FAM120A: variants seen among roughly 807,000 people sequenced by gnomAD.
The protein encoded by FAM120A is family with sequence similarity 120 member A.
In FAM120A, 15 loss-of-function variants were observed where a neutral mutation model predicts 109.7. That is an observed-to-expected ratio of 0.14 (90% CI 0.09 to 0.21). FAM120A has a LOEUF of 0.21. Among genes scored for constraint, FAM120A ranks in the 10% least tolerant of loss-of-function variants. The pLI is 1.00. For missense variants in FAM120A, 899 were observed against 1,439.3 expected (o/e 0.62, Z 6.07); for synonymous variants, 493 against 572.8 (o/e 0.86, Z 1.99).
intron 7 of FAM120A, among the ~76,000 whole-genome samples, chr9:93,516,977 CTACTT>C (rs1860625064): frequency 6.6e-6 from 1 of 152,156 alleles, no homozygotes; most frequent in African/African-American, 2.4e-5. Context: ...GGTGTGAACT[CTACTT>C]TACAGCGCAG....
chr9:93,503,371 G>A (rs890557272), intron 5 of FAM120A, among the ~76,000 whole-genome samples: 5 of 152,178 alleles, frequency 3.3e-5, no homozygotes, highest in African/African-American at 1.2e-4. Context: ...ATAAAGTTTG[G>A]TGTATCTAAG....
At chr9:93,507,955 G>T (rs12554020) in intron 5 of FAM120A, among the ~76,000 whole-genome samples, 1 of 151,970 alleles carries the variant, frequency 6.6e-6, no homozygotes, top group Non-Finnish European at 1.5e-5. Context: ...TGAAATGCAG[G>T]GGAGAATTGA....
chr9:93,525,636 C>CT (rs1213008320), intron 7 of FAM120A, among the ~76,000 whole-genome samples: 2 of 152,342 alleles, frequency 1.3e-5, no homozygotes, highest in East Asian at 3.9e-4. Flanking sequence ...TCATGCATCT[C>CT]TATCAGCACA....
At chr9:93,546,416 C>T (rs2131530021) in intron 11 of FAM120A, among the ~76,000 whole-genome samples, 2 of 152,286 alleles carry the variant, frequency 1.3e-5, no homozygotes, top group South Asian at 4.1e-4. Flanking sequence ...CTATAGGGGG[C>T]TAGGGTCACA....
chr9:93,544,873 T>G (rs1228982443), intron 11 of FAM120A, among the ~76,000 whole-genome samples: 8 of 152,136 alleles, frequency 5.3e-5, no homozygotes, highest in African/African-American at 2.4e-5. Flanking sequence ...GACTGTGGCT[T>G]CTCCGTGTGG....
intron 5 of FAM120A, among the ~76,000 whole-genome samples, chr9:93,507,953 A>AG (rs1404958056): frequency 1.3e-5 from 2 of 152,192 alleles, no homozygotes; most frequent in Non-Finnish European, 2.9e-5. Flanking sequence ...TTTGAAATGC[A>AG]GGGGAGAATT....
Position 93,514,466 on chromosome 9 carries a change from C to G in FAM120A, c.1031-1201C>G, listed in dbSNP as rs1860476160. ...GGTTTTCTTCCACATTTAAAACAAA[C>G]CCAAGGAAGAGATGGTGCAGCCGTG... On this transcript the variant is annotated intron_variant, in intron 5 of 17. Coordinates refer to ENST00000277165, the MANE Select transcript of FAM120A (RefSeq NM_014612.5). Among the ~76,000 whole-genome samples the G allele has an allele frequency of 2.6e-5, 4 of 152,210 alleles. 1 individual carries two copies. In the South Asian group the frequency reaches 6.2e-4, roughly 24 times the overall value.
rs373865754 is a variant in FAM120A, at chr9:93,471,131, C to T, written c.475-10C>T. On this transcript the variant is annotated splice_polypyrimidine_tract_variant and intron_variant, in intron 1 of 17. Coordinates refer to ENST00000277165, the MANE Select transcript of FAM120A (RefSeq NM_014612.5). ...CCTACATCTGATGAAGTTTTTTTCT[C>T]GTTTGCCAGGTTGCACAGAGCATTG... 8.1e-5 allele frequency: 131 copies of T among 1,612,532 alleles called. No individual in the cohort carries two copies. Among genetic ancestry groups the T allele is most frequent in the Non-Finnish European group, 1.1e-4 (125 of 1,179,294 alleles).
At chr9:93,487,438 G>A (rs1859112569) in intron 3 of FAM120A, among the ~76,000 whole-genome samples, 1 of 152,062 alleles carries the variant, frequency 6.6e-6, no homozygotes, top group Non-Finnish European at 1.5e-5. Context: ...CTGGGATTAT[G>A]GGCATGAGCC....
At position 93,558,664 on chromosome 9, in the gene FAM120A, C is replaced by T. The variant is rs755371865; in HGVS notation, c.2752C>T (p.His918Tyr). Reference sequence around the variant, plus strand: ...CTTCCGTGTGGCGGCAGCATCGGGACACTGCGGAGCCTTCTCAGGCAGTGA... The same window carrying T: ...CTTCCGTGTGGCGGCAGCATCGGGATACTGCGGAGCCTTCTCAGGCAGTGA... ...RAFRVAAASG[H>Y]CGAFSGSDSS... Residue 918 changes from histidine (H) to tyrosine (Y), a missense_variant, in exon 15 of 18, where the codon CAC becomes TAC. Around this residue, in one of 11 missense-constraint regions of FAM120A, gnomAD observed 129 missense variants for 153.4 expected, o/e 0.84. Transcript: ENST00000277165. The T allele has an allele frequency of 8.1e-6, 13 of 1,614,162 alleles. No individual in the cohort carries two copies. The highest frequency in any genetic ancestry group is 1.1e-5 in the South Asian group (1 of 91,088).
At position 93,532,463 on chromosome 9, in the gene FAM120A, G is replaced by C; in HGVS notation, c.1909+134G>C. ...GTGTAAAGGAGGTGGGCCCATCATC[G>C]GGGCAGTAGGCCAGGGTAAAGGCTC... is the stretch of plus-strand genomic sequence containing the variant. On this transcript the variant is annotated intron_variant, in intron 10 of 17. Transcript: ENST00000277165. This position sits in a 1 kb window ranked among gnomAD's most constrained non-coding sequence, Gnocchi z 4.3. 1.1e-6 allele frequency: 1 copy of C among 887,466 alleles called. No individual in the cohort carries two copies. Among genetic ancestry groups the C allele is most frequent in the Non-Finnish European group, 1.8e-6 (1 of 554,334 alleles). The allele number at this position is 887,466 out of a possible 1,614,324, so 55.0% of individuals were successfully genotyped here.
intron 7 of FAM120A, among the ~76,000 whole-genome samples, chr9:93,519,492 C>G (rs1305678489): frequency 6.6e-6 from 1 of 152,164 alleles, no homozygotes; most frequent in African/African-American, 2.4e-5. Flanking sequence ...ATCCCCCCAC[C>G]TCGGCCTCCC....
At chr9:93,475,265 C>T (rs148779803) in intron 2 of FAM120A, among the ~76,000 whole-genome samples, 6 of 152,290 alleles carry the variant, frequency 3.9e-5, no homozygotes, top group Non-Finnish European at 7.3e-5. Flanking sequence ...GACTGTGACC[C>T]ATCTTATGAG....
intron 3 of FAM120A, among the ~76,000 whole-genome samples, chr9:93,485,717 C>T (rs902879292): frequency 1.3e-5 from 2 of 152,140 alleles, no homozygotes; most frequent in Admixed American, 1.3e-4. Flanking sequence ...CTTCCTGGCC[C>T]TCTTGCTGTG....
intron 1 of FAM120A, among the ~76,000 whole-genome samples, chr9:93,460,492 A>G (rs1445584145): frequency 6.6e-6 from 1 of 152,048 alleles, no homozygotes; most frequent in Non-Finnish European, 1.5e-5. Flanking sequence ...CAGGCACGCC[A>G]TGCCCAGCTA....
intron 1 of FAM120A, among the ~76,000 whole-genome samples, chr9:93,468,702 T>C (rs1387982595): frequency 6.6e-6 from 1 of 152,258 alleles, no homozygotes; most frequent in Non-Finnish European, 1.5e-5. Flanking sequence ...CAGTACAGCG[T>C]AGTGGCTGTG....
rs2777464 is a variant in FAM120A at position 93,516,676 on chromosome 9, T to A, written c.1418+407T>A. Among the ~76,000 whole-genome samples, 13 of 152,116 alleles carry A rather than the reference T, an allele frequency of 8.5e-5. No homozygotes were observed. In the East Asian group the frequency reaches 1.4e-3, roughly 16 times the overall value. ...TGGATCAAGGGAGCTCTGAATTTCC[T>A]CTCCTTCTCCTAAACTCAGCAGGTT... On this transcript the variant is annotated intron_variant, in intron 7 of 17. Transcript: ENST00000277165.
In FAM120A at chr9:93,532,433, C is replaced by A. The variant is rs1588889187; in HGVS notation, c.1909+104C>A. 5 of 1,352,654 alleles carry A rather than the reference C, an allele frequency of 3.7e-6. No individual in the cohort carries two copies. In the East Asian group the frequency reaches 1.2e-4, roughly 31 times the overall value. 83.8% of individuals were successfully genotyped at this position (1,352,654 alleles called of 1,614,324 possible). A position where few individuals can be genotyped will look rare whatever the true frequency, so the allele number is the denominator to read the frequency against. ...ATCATGACTGAGTTGACCCCGAGTG[C>A]CTCTGTGTAAAGGAGGTGGGCCCAT... On this transcript the variant is annotated intron_variant, in intron 10 of 17. Transcript: ENST00000277165. The surrounding 1 kb of genome is among the most constrained non-coding windows in gnomAD (Gnocchi z 4.3).
chr9:93,553,137 A>AT (rs1862162952), intron 12 of FAM120A, among the ~76,000 whole-genome samples: 1 of 152,056 alleles, frequency 6.6e-6, no homozygotes, highest in African/African-American at 2.4e-5. Flanking sequence ...GATGACCCTC[A>AT]TTTTTCCTGT....
Sources: allele counts gnomAD v4.1 joint callset (sites outside exome capture counted in the v4.1 genomes callset), GRCh38; gene constraint gnomAD v4.1.1; regional missense constraint gnomAD v4.1.1; non-coding constraint Gnocchi (gnomAD v3.1); transcripts MANE v1.5; gene names NCBI Gene and HGNC (gene_info 2026-07-23, HGNC 2026-07-21).